LAMA4: variants seen among roughly 807,000 people sequenced by gnomAD.
LAMA4 encodes laminin subunit alpha 4, also known as laminin subunit alpha-4.
In LAMA4, 127 loss-of-function variants were observed where a neutral mutation model predicts 207.1. That is an observed-to-expected ratio of 0.61 (90% CI 0.53 to 0.71). The LOEUF is 0.71. Ranked by LOEUF, LAMA4 falls within the 30% of genes least tolerant of loss-of-function variation. LAMA4 has a pLI of 0.00. For missense variants in LAMA4, 2,093 were observed against 2,246.5 expected (o/e 0.93, Z 1.38); for synonymous variants, 761 against 816.0 (o/e 0.93, Z 1.15).
intron 3 of LAMA4, among the ~76,000 whole-genome samples, chr6:112,209,097 G>T (rs1414300541): frequency 6.6e-6 from 1 of 152,138 alleles, no homozygotes; most frequent in African/African-American, 2.4e-5. Context: ...CAAAGTTGCA[G>T]CAATCTCTCA....
chr6:112,152,381 T>G (rs997250083), intron 16 of LAMA4, among the ~76,000 whole-genome samples: 1 of 151,970 alleles, frequency 6.6e-6, no homozygotes, highest in Non-Finnish European at 1.5e-5. Flanking sequence ...GTTTTGAGAG[T>G]CTTTTGCTTA....
rs782061102 is a variant in LAMA4, at chr6:112,178,183, T to C, written c.1127A>G (p.Asp376Gly). 26 of 1,614,024 alleles carry C rather than the reference T, an allele frequency of 1.6e-5. No individual in the cohort carries two copies. Among genetic ancestry groups the C allele is most frequent in the Non-Finnish European group, 2.2e-5 (26 of 1,179,884 alleles). Reference sequence around the variant, plus strand: ...CAGCTGACTTGCGTGGTTAATGGTGTCCATGCTTTCCTTCTGAACAAGTTG... The same window carrying C: ...CAGCTGACTTGCGTGGTTAATGGTGCCCATGCTTTCCTTCTGAACAAGTTG... Reference protein sequence around the residue: ...KGQLVQKESMDTINHASQLVE... With the variant: ...KGQLVQKESMGTINHASQLVE... Residue 376 changes from aspartate (D) to glycine (G), a missense_variant, in exon 10 of 39, where the codon GAC becomes GGC. By Grantham distance (94) the Asp-to-Gly change is moderately conservative. Coordinates refer to ENST00000230538, the MANE Select transcript of LAMA4 (RefSeq NM_001105206.3).
intron 3 of LAMA4, among the ~76,000 whole-genome samples, chr6:112,212,911 G>A (rs1344455517): frequency 6.6e-6 from 1 of 152,156 alleles, no homozygotes; most frequent in Non-Finnish European, 1.5e-5. Flanking sequence ...TAATAAAATA[G>A]AGTTCAAAAA....
At chr6:112,124,559 G>C (rs1778566015) in intron 31 of LAMA4, among the ~76,000 whole-genome samples, 2 of 152,084 alleles carry the variant, frequency 1.3e-5, no homozygotes, top group African/African-American at 4.8e-5. Flanking sequence ...AGATGGGTAT[G>C]TGTATGGTGA....
intron 38 of LAMA4, among the ~76,000 whole-genome samples, chr6:112,112,267 G>T (rs1490420807): frequency 6.6e-6 from 1 of 152,208 alleles, no homozygotes; most frequent in Non-Finnish European, 1.5e-5. Flanking sequence ...AAAGGTACTA[G>T]GGGAGGAAAG....
intron 38 of LAMA4, 45 bp from the exon 39 acceptor site, chr6:112,109,627 T>G: frequency 6.3e-7 from 1 of 1,597,566 alleles, no homozygotes. Context: ...ATTGAGGTAT[T>G]CCAAGCCCAA....
At chr6:112,124,745 G>T (rs1209834707) in intron 31 of LAMA4, among the ~76,000 whole-genome samples, 1 of 150,380 alleles carries the variant, frequency 6.6e-6, no homozygotes, top group African/African-American at 2.5e-5. Flanking sequence ...TGTGTTATAA[G>T]GATATAGGGG....
intron 24 of LAMA4, among the ~76,000 whole-genome samples, chr6:112,137,295 C>T (rs948081581): frequency 6.6e-6 from 1 of 152,034 alleles, no homozygotes; most frequent in Non-Finnish European, 1.5e-5. Context: ...TTGTACATTC[C>T]TGGGAGTGTG....
rs548507089 is a variant in LAMA4 at position 112,168,582 on chromosome 6, G to A, written c.1552-3306C>T. 4.7e-3 allele frequency among the ~76,000 whole-genome samples: 710 copies of A among 152,084 alleles called. 6 individuals carry two copies. Among genetic ancestry groups the A allele is most frequent in the African/African-American group, 0.016 (677 of 41,490 alleles). ...GCTGATCTTGAACTCCTGACCTCAGGTGATCCACCTGCCTTGGCCTCCCAA... is the reference window on the plus strand; with the variant it reads ...GCTGATCTTGAACTCCTGACCTCAGATGATCCACCTGCCTTGGCCTCCCAA... On this transcript the variant is annotated intron_variant, in intron 12 of 38. Transcript: ENST00000230538.
chr6:112,115,882 A>G lies in LAMA4; in HGVS notation c.5093T>C (p.Val1698Ala), dbSNP rs782417407. 1 of 1,613,462 alleles carries G rather than the reference A, an allele frequency of 6.2e-7. No individual in the cohort carries two copies. Among genetic ancestry groups the G allele is most frequent in the Non-Finnish European group, 8.5e-7 (1 of 1,179,504 alleles). ...GHSVNGEYLN[V>A]HMKNGQVIVK... ...CACTACCTGTCCATTTTTCATGTGA[A>G]CATTTAGGTACTCCCCATTGACACT... The change falls in exon 36 of 39, where the codon GTT becomes GCT. Residue 1698 changes from valine (V) to alanine (A), a missense_variant. Val to Ala is a moderately conservative substitution (Grantham distance 64, BLOSUM62 0). Transcript: ENST00000230538.
chr6:112,237,098 A>G (rs1360646242), intron 2 of LAMA4, among the ~76,000 whole-genome samples: 2 of 152,234 alleles, frequency 1.3e-5, no homozygotes, highest in African/African-American at 2.4e-5. Context: ...TGTTGTCCTC[A>G]GTACTCCCAG....
intron 15 of LAMA4, chr6:112,155,338 T>C (rs912682808): frequency 1.7e-6 from 1 of 585,406 alleles, no homozygotes. Flanking sequence ...GCTAAAAAAA[T>C]AAACTGTCAA....
Position 112,142,249 on chromosome 6 carries a change from A to T in LAMA4, c.2537T>A (p.Val846Glu). 6.2e-7 allele frequency: 1 copy of T among 1,614,096 alleles called. No homozygotes were observed. The highest frequency in any genetic ancestry group is 8.5e-7 in the Non-Finnish European group (1 of 1,179,992). The change falls in exon 20 of 39, where the codon GTG (valine) becomes GAG (glutamate). Residue 846 changes from valine to glutamate, a missense_variant. Val to Glu is a moderately radical substitution (Grantham distance 121). Around this residue, in one of 3 missense-constraint regions of LAMA4, gnomAD observed 1,704 missense variants for 1,788.4 expected, o/e 0.95. Transcript: ENST00000230538. ...MMFDGQSAVEVHSRTSMDDLK... is the reference protein window; with the variant it reads ...MMFDGQSAVEEHSRTSMDDLK... ...GTCATCCATACTGGTTCTCGAGTGC[A>T]CTTCCACAGCTGACTGGCCATCAAA...
chr6:112,213,790 T>G, intron 3 of LAMA4: 1 of 371,786 alleles, frequency 2.7e-6, no homozygotes, highest in Non-Finnish European at 4.8e-6. Context: ...TTAGAAGCAG[T>G]TGAAGGTGAA....
chr6:112,237,617 T>C (rs1282289855), intron 2 of LAMA4, among the ~76,000 whole-genome samples: 1 of 152,094 alleles, frequency 6.6e-6, no homozygotes, highest in Non-Finnish European at 1.5e-5. Context: ...GAGCCACTGA[T>C]TTAGTAGGTT....
Position 112,165,244 on chromosome 6 carries a change from T to C in LAMA4, c.1584A>G (p.Glu528=), listed in dbSNP as rs782245349. 3.0e-5 allele frequency: 48 copies of C among 1,613,018 alleles called. 1 individual carries two copies. The South Asian group carries it at 5.3e-4, about 18-fold the overall frequency. The change falls in exon 13 of 39, where the codon GAA becomes GAG. Residue 528 remains glutamate (E), a synonymous_variant. Transcript: ENST00000230538. ...ATGTGCTCAGAGACATGTTCACCAC[T>C]TCCATTTGTTCCCTCACTCTTTCCT... The part of the protein sequence containing the change: ...KQQERVREQM[E]VVNMSLSTSA...
At chr6:112,137,099 A>G (rs1211247341) in intron 24 of LAMA4, among the ~76,000 whole-genome samples, 1 of 152,256 alleles carries the variant, frequency 6.6e-6, no homozygotes, top group African/African-American at 2.4e-5. Context: ...AAATAAATAT[A>G]GAATTATTAT....
At chr6:112,195,685 T>A (rs1783372890) in intron 5 of LAMA4, among the ~76,000 whole-genome samples, 3 of 152,176 alleles carry the variant, frequency 2.0e-5, no homozygotes, top group African/African-American at 7.2e-5. Context: ...ATTCACATGA[T>A]CAATCATCAT....
At chr6:112,242,860 G>C (rs1786618711) in intron 2 of LAMA4, among the ~76,000 whole-genome samples, 1 of 152,194 alleles carries the variant, frequency 6.6e-6, no homozygotes, top group South Asian at 2.1e-4. Context: ...ATTTCATGTT[G>C]ATGTTTATAA....
Sources: allele counts gnomAD v4.1 joint callset (sites outside exome capture counted in the v4.1 genomes callset), GRCh38; gene constraint gnomAD v4.1.1; regional missense constraint gnomAD v4.1.1; transcripts MANE v1.5; gene names NCBI Gene and HGNC (gene_info 2026-07-23, HGNC 2026-07-21).